INO80: variants seen among roughly 807,000 people sequenced by gnomAD.
The protein encoded by INO80 is chromatin-remodeling ATPase INO80.
INO80 carries 20 observed loss-of-function variants against 203.4 expected under a neutral mutation model. The observed-to-expected ratio is 0.10, with a 90% confidence interval of 0.07 to 0.14. The LOEUF (loss-of-function observed/expected upper bound fraction) is 0.14. Ranked by LOEUF, INO80 falls within the 10% of genes least tolerant of loss-of-function variation. The pLI is 1.00. For synonymous variants in INO80, 726 were observed against 685.2 expected, an observed-to-expected ratio of 1.06 and a Z score of -0.93; for missense variants, 1,419 against 1,914.4, an observed-to-expected ratio of 0.74 and a Z score of 4.83.
chr15:41,044,746 G>C (rs558196446), intron 24 of INO80, among the ~76,000 whole-genome samples, 158 bp downstream of exon 24: 1 of 152,206 alleles, frequency 6.6e-6, no homozygotes, highest in South Asian at 2.1e-4. Context: ...TATATACAAA[G>C]TGTAAATTAA....
In INO80 at chr15:41,073,578, C is replaced by T. The variant is rs949346627; in HGVS notation, c.1328-83G>A. ...CAATTAACACCAATGTATGTGGATC[C>T]CTGATTCCCTCATTCTACTTATCCC... On this transcript the variant is annotated intron_variant, in intron 10 of 35. Transcript: ENST00000648947. 4.7e-6 allele frequency: 5 copies of T among 1,067,890 alleles called. No individual in the cohort carries two copies. In the African/African-American group the frequency reaches 6.2e-5, roughly 13 times the overall value. 66.2% of individuals were successfully genotyped at this position (1,067,890 alleles called of 1,614,324 possible). A position where few individuals can be genotyped will look rare whatever the true frequency, so the allele number is the denominator to read the frequency against.
At chr15:40,989,790 A>G (rs141416698) in intron 29 of INO80, among the ~76,000 whole-genome samples, 115 of 152,252 alleles carry the variant, frequency 7.6e-4, no homozygotes, top group African/African-American at 2.7e-3. Flanking sequence ...TTTATTTTCT[A>G]TTCTTTCCTA....
intron 27 of INO80, 81 bp from the exon 28 acceptor site, chr15:41,005,768 T>C (rs2044031769): frequency 1.4e-6 from 1 of 738,756 alleles, no homozygotes; most frequent in Non-Finnish European, 2.3e-6. Flanking sequence ...ACCCATCTTC[T>C]ACCTTGTCCA....
chr15:41,028,830 G>A lies in INO80; in HGVS notation c.2908-1094C>T, dbSNP rs192837593. ...GAGATCGCACCATTGCACTCCAGCTGGGTGAAAGAGTGAAATTCCGTCCCA... is the reference window on the plus strand; with the variant it reads ...GAGATCGCACCATTGCACTCCAGCTAGGTGAAAGAGTGAAATTCCGTCCCA... On this transcript the variant is annotated intron_variant, in intron 24 of 35. Coordinates refer to ENST00000648947, the MANE Select transcript of INO80 (RefSeq NM_017553.3). 6.6e-4 allele frequency among the ~76,000 whole-genome samples: 101 copies of A among 152,230 alleles called. 2 individuals are homozygous for A. Among genetic ancestry groups the A allele is most frequent in the African/African-American group, 2.4e-3 (99 of 41,550 alleles).
At chr15:41,066,067 C>T (rs912908949) in intron 14 of INO80, among the ~76,000 whole-genome samples, 2 of 151,514 alleles carry the variant, frequency 1.3e-5, no homozygotes, top group South Asian at 4.2e-4. Context: ...CAACCTCTGC[C>T]TCCTGGGTTC....
intron 24 of INO80, among the ~76,000 whole-genome samples, chr15:41,032,830 G>C (rs2044510927): frequency 6.6e-6 from 1 of 152,112 alleles, no homozygotes; most frequent in African/African-American, 2.4e-5. Context: ...ACGAGGTCAG[G>C]AGTTCGAAAC....
At chr15:41,013,062 G>C (rs1173486330) in intron 27 of INO80, 1 of 122,994 alleles carries the variant, frequency 8.1e-6, no homozygotes, top group Non-Finnish European at 1.8e-5. Flanking sequence ...GCCAGCCATG[G>C]CTAAGGCACA....
At chr15:41,100,808 T>A (rs1275044140) in intron 1 of INO80, among the ~76,000 whole-genome samples, 1 of 151,964 alleles carries the variant, frequency 6.6e-6, no homozygotes, top group African/African-American at 2.4e-5. Context: ...TGTGCAACCA[T>A]TACTACCATT....
chr15:41,113,940 C>T (rs1176549927), intron 1 of INO80, among the ~76,000 whole-genome samples: 1 of 152,116 alleles, frequency 6.6e-6, no homozygotes, highest in East Asian at 1.9e-4. Context: ...AGGAAAAGAA[C>T]ACAGTAAGCT....
chr15:41,089,917 G>A (rs148386334), intron 5 of INO80, among the ~76,000 whole-genome samples: 1 of 152,226 alleles, frequency 6.6e-6, no homozygotes, highest in African/African-American at 2.4e-5. Flanking sequence ...TAAGCATTCT[G>A]GCAATTCCTC....
At chr15:41,074,885 C>T (rs1471555577) in intron 9 of INO80, among the ~76,000 whole-genome samples, 1 of 152,052 alleles carries the variant, frequency 6.6e-6, no homozygotes, top group Non-Finnish European at 1.5e-5. Flanking sequence ...GCTGGGATTA[C>T]AAGTGAGCAC....
intron 27 of INO80, among the ~76,000 whole-genome samples, chr15:41,014,346 C>T (rs554959328): frequency 6.6e-6 from 1 of 152,294 alleles, no homozygotes; most frequent in African/African-American, 2.4e-5. Flanking sequence ...TTTAGCTATA[C>T]TTTCCCTGCC....
intron 1 of INO80, among the ~76,000 whole-genome samples, chr15:41,101,550 AC>A (rs915884473): frequency 1.3e-5 from 2 of 148,764 alleles, no homozygotes; most frequent in African/African-American, 2.5e-5. Context: ...TTTATTTGTA[AC>A]TTTTTTTTTT....
intron 6 of INO80, among the ~76,000 whole-genome samples, chr15:41,086,428 A>G (rs2045566390): frequency 6.6e-6 from 1 of 152,102 alleles, no homozygotes; most frequent in African/African-American, 2.4e-5. Flanking sequence ...AGGCAGGCGG[A>G]TCACCTGAGG....
At chr15:41,011,552 T>A (rs144987034) in intron 27 of INO80, 22 of 151,782 alleles carry the variant, frequency 1.4e-4, no homozygotes, top group Admixed American at 4.6e-4. Context: ...TAATAAGAAC[T>A]CTAGTTAACA....
chr15:41,095,507 T>A, intron 4 of INO80, 94 bp downstream of exon 4: 1 of 860,172 alleles, frequency 1.2e-6, no homozygotes, highest in Non-Finnish European at 1.9e-6. Context: ...TTTGAAAAAC[T>A]CTGTCAATCT....
Position 41,045,581 on chromosome 15 carries a change from CAAA to C in INO80, c.2736-509_2736-507del, listed in dbSNP as rs61411603. Among the ~76,000 whole-genome samples the C allele has an allele frequency of 1.7e-3, 221 of 129,264 alleles. 1 individual carries two copies. The highest frequency in any genetic ancestry group is 0.011 in the Middle Eastern group (3 of 270). 84.8% of individuals were successfully genotyped at this position (129,264 alleles called of 152,430 possible). The stretch of plus-strand genomic sequence containing the variant: ...TGGGCGACAGAGCGAGACTCTGTCT[CAAA>C]AAAAAAAAAAAAAAAAAATTCACCT... On this transcript the variant is annotated intron_variant, in intron 23 of 35. Transcript: ENST00000648947.
At chr15:41,093,564 C>G (rs2140661638) in intron 4 of INO80, among the ~76,000 whole-genome samples, 1 of 151,928 alleles carries the variant, frequency 6.6e-6, no homozygotes, top group South Asian at 2.1e-4. Context: ...AAATTTTAAC[C>G]TGTAAAAGGG....
chr15:41,042,537 G>C (rs1415315554), intron 24 of INO80, among the ~76,000 whole-genome samples: 2 of 152,146 alleles, frequency 1.3e-5, no homozygotes, highest in South Asian at 4.2e-4. Context: ...GCAGTGGTGT[G>C]ATCTCCACTC....
Sources: gnomAD v4.1 joint callset for allele counts (sites outside exome capture counted in the v4.1 genomes callset) on GRCh38, gnomAD v4.1.1 for gene constraint, MANE v1.5 for transcripts, NCBI Gene and HGNC (gene_info 2026-07-23, HGNC 2026-07-21) for gene names.